Variants in ARHGAP20 observed in about 807,000 individuals in gnomAD.
ARHGAP20 encodes the protein Rho GTPase activating protein 20.
In ARHGAP20, 34 loss-of-function variants were observed where a neutral mutation model predicts 73.7. The ratio of observed to expected loss-of-function variants is 0.46; its 90% CI spans 0.35 to 0.61. The LOEUF is 0.61. ARHGAP20 is among the 20% of genes least tolerant of loss of function. The pLI, the probability that ARHGAP20 is intolerant of heterozygous loss-of-function variation, is 0.00. For missense variants in ARHGAP20, 1,314 were observed against 1,420.9 expected (o/e 0.92, Z 1.21); for synonymous variants, 523 against 518.2 (o/e 1.01, Z -0.13).
intron 9 of ARHGAP20, among the ~76,000 whole-genome samples, chr11:110,601,384 G>A (rs750907784): frequency 8.5e-5 from 13 of 152,166 alleles, no homozygotes; most frequent in Admixed American, 1.3e-4. Context: ...AGATACTCTT[G>A]CTTAAATTAG....
intron 11 of ARHGAP20, among the ~76,000 whole-genome samples, chr11:110,586,878 G>C (rs1014003464): frequency 6.6e-6 from 1 of 152,170 alleles, no homozygotes; most frequent in Non-Finnish European, 1.5e-5. Flanking sequence ...AGGTACTTAA[G>C]GTTTCTCCCT....
intron 1 of ARHGAP20, among the ~76,000 whole-genome samples, chr11:110,706,220 T>A (rs556990255): frequency 6.6e-6 from 1 of 152,226 alleles, no homozygotes; most frequent in African/African-American, 2.4e-5. Flanking sequence ...TTACAAACAA[T>A]AACAAATGCA....
intron 2 of ARHGAP20, among the ~76,000 whole-genome samples, chr11:110,662,562 T>C (rs1164746483): frequency 6.6e-6 from 1 of 151,376 alleles, no homozygotes; most frequent in African/African-American, 2.4e-5. Context: ...CTATTAATAG[T>C]CTGTATACAT....
intron 3 of ARHGAP20, 124 bp downstream of exon 3, chr11:110,630,504 C>G (rs1204918135): frequency 2.9e-6 from 3 of 1,037,034 alleles, no homozygotes; most frequent in Non-Finnish European, 2.8e-6. Context: ...CATAAAATCA[C>G]TTTAGATATT....
chr11:110,630,714 A>G lies in ARHGAP20; in HGVS notation c.267T>C (p.Asp89=). 1 of 1,614,170 alleles carries G rather than the reference A, an allele frequency of 6.2e-7. No homozygotes were observed. The highest frequency in any genetic ancestry group is 8.5e-7 in the Non-Finnish European group (1 of 1,180,012). ...LVCSNRTLLI[D]GRAELKRGLQ... ...GGCCTCTTTTGAGTTCTGCCCGGCC[A>G]TCAATCAGCAGAGTCCTATTGGAGC... Residue 89 remains aspartate, a synonymous_variant, in exon 3 of 15, where the codon GAT becomes GAC. Coordinates refer to ENST00000683387, the MANE Select transcript of ARHGAP20 (RefSeq NM_001384657.1).
chr11:110,647,871 C>T (rs1949231359), intron 2 of ARHGAP20, among the ~76,000 whole-genome samples: 1 of 151,774 alleles, frequency 6.6e-6, no homozygotes, highest in Admixed American at 6.6e-5. Context: ...CCTACAGTGC[C>T]AGGAAAGGAT....
chr11:110,679,918 T>C (rs1339995756), intron 2 of ARHGAP20, among the ~76,000 whole-genome samples: 2 of 152,154 alleles, frequency 1.3e-5, no homozygotes, highest in Non-Finnish European at 2.9e-5. Context: ...TGGACATTTC[T>C]TTCTGTGGCT....
At chr11:110,709,525 C>G (rs1259260086) in intron 1 of ARHGAP20, among the ~76,000 whole-genome samples, 1 of 152,176 alleles carries the variant, frequency 6.6e-6, no homozygotes, top group African/African-American at 2.4e-5. Context: ...TAGAGAATGA[C>G]TGAGGAGCAC....
intron 4 of ARHGAP20, 21 bp downstream of exon 4, chr11:110,624,141 A>T: frequency 6.2e-7 from 1 of 1,602,668 alleles, no homozygotes; most frequent in Non-Finnish European, 8.5e-7. Context: ...AGGTAAATAG[A>T]GGACAAGCTG....
Position 110,604,250 on chromosome 11 carries a change from G to A in ARHGAP20, c.964+2311C>T, listed in dbSNP as rs13377503. Among the ~76,000 whole-genome samples, 674 of 152,168 alleles carry A rather than the reference G, an allele frequency of 4.4e-3. 2 individuals carry two copies. Among genetic ancestry groups the A allele is most frequent in the African/African-American group, 0.015 (640 of 41,536 alleles). Reference sequence around the variant, plus strand: ...TATTTAAAAAGAAACAACATTAGTGGTTCACCTGTAATTTTTTACACAGGC... The same window carrying A: ...TATTTAAAAAGAAACAACATTAGTGATTCACCTGTAATTTTTTACACAGGC... On this transcript the variant is annotated intron_variant, in intron 9 of 14. Coordinates refer to ENST00000683387, the MANE Select transcript of ARHGAP20 (RefSeq NM_001384657.1).
intron 9 of ARHGAP20, among the ~76,000 whole-genome samples, chr11:110,605,088 T>C (rs1363937882): frequency 1.3e-5 from 2 of 152,148 alleles, no homozygotes; most frequent in East Asian, 3.9e-4. Flanking sequence ...TATAGGAATG[T>C]AGAAAAGAAG....
intron 3 of ARHGAP20, among the ~76,000 whole-genome samples, chr11:110,629,426 G>A (rs999553692): frequency 3.9e-5 from 6 of 152,158 alleles, no homozygotes; most frequent in South Asian, 2.1e-4. Flanking sequence ...TTTAATTAAG[G>A]GAATAACTGT....
In ARHGAP20 at chr11:110,687,836, C is replaced by T. The variant is rs1363346492; in HGVS notation, c.188+2711G>A. On this transcript the variant is annotated intron_variant, in intron 2 of 14. Coordinates refer to ENST00000683387, the MANE Select transcript of ARHGAP20 (RefSeq NM_001384657.1). ...CTAAAGACAATTAAGTAGTCAGATG[C>T]TTACAACTAGTTACAATTAATATAT... Among the ~76,000 whole-genome samples the T allele has an allele frequency of 2.6e-5, 4 of 152,174 alleles. No homozygotes were observed. In the East Asian group the frequency reaches 7.7e-4, roughly 29 times the overall value.
At chr11:110,696,284 G>A (rs1016505021) in intron 1 of ARHGAP20, among the ~76,000 whole-genome samples, 2 of 151,578 alleles carry the variant, frequency 1.3e-5, no homozygotes, top group African/African-American at 2.4e-5. Context: ...AAAAGCCGCT[G>A]AACATAACTT....
At chr11:110,603,846 C>T (rs1029337694) in intron 9 of ARHGAP20, among the ~76,000 whole-genome samples, 2 of 152,112 alleles carry the variant, frequency 1.3e-5, no homozygotes, top group East Asian at 3.8e-4. Context: ...TTTGGCAGTA[C>T]ATATGTGAGA....
intron 6 of ARHGAP20, among the ~76,000 whole-genome samples, chr11:110,613,845 CTG>C (rs1948424805): frequency 1.3e-5 from 2 of 152,084 alleles, no homozygotes; most frequent in Non-Finnish European, 2.9e-5. Context: ...TAAAACTATT[CTG>C]TGTGATCTAG....
rs1565441317 is a variant in ARHGAP20, at chr11:110,618,659, A to ATATGCAGTGATAGAG, written c.504-3066_504-3065insCTCTATCACTGCATA. Among the ~76,000 whole-genome samples the ATATGCAGTGATAGAG allele has an allele frequency of 3.9e-3, 581 of 147,574 alleles. 2 individuals carry two copies. Among genetic ancestry groups the ATATGCAGTGATAGAG allele is most frequent in the African/African-American group, 0.014 (545 of 39,232 alleles). On this transcript the variant is annotated intron_variant, in intron 4 of 14. Coordinates refer to ENST00000683387, the MANE Select transcript of ARHGAP20 (RefSeq NM_001384657.1). Reference sequence around the variant, plus strand: ...GTGATAGCGTATATGCAGTGATAGCATATATGCAGTGATAGAGTATATGCA... The same window carrying ATATGCAGTGATAGAG: ...GTGATAGCGTATATGCAGTGATAGCATATGCAGTGATAGAGTATATGCAGTGATAGAGTATATGCA...
Position 110,614,590 on chromosome 11 carries a change from A to G in ARHGAP20, c.601T>C (p.Phe201Leu). The G allele has an allele frequency of 6.2e-7, 1 of 1,613,282 alleles. No homozygotes were observed. Among genetic ancestry groups the G allele is most frequent in the Non-Finnish European group, 8.5e-7 (1 of 1,179,634 alleles). Residue 201 changes from phenylalanine (F) to leucine (L), a missense_variant, in exon 6 of 15, where the codon TTC becomes CTC. Phe to Leu is a conservative substitution (Grantham distance 22, BLOSUM62 0). Transcript: ENST00000683387. ...DYPKSIPLKI[F>L]AKDIGNCAYS... ...GCACAATTCCCAATGTCCTTGGCGA[A>G]GATTTTGAGGGGAATGCTCTTCGGG...
At chr11:110,634,902 TA>T (rs1193897883) in intron 2 of ARHGAP20, among the ~76,000 whole-genome samples, 5 of 151,852 alleles carry the variant, frequency 3.3e-5, no homozygotes, top group Admixed American at 2.0e-4. Flanking sequence ...TGAACTAAAT[TA>T]AAAGCCATGC....
Sources: gnomAD v4.1 joint callset for allele counts (sites outside exome capture counted in the v4.1 genomes callset) on GRCh38, gnomAD v4.1.1 for gene constraint, MANE v1.5 for transcripts, NCBI Gene and HGNC (gene_info 2026-07-23, HGNC 2026-07-21) for gene names.